CDC45: variants seen among roughly 807,000 people sequenced by gnomAD.
CDC45 encodes cell division control protein 45 homolog.
CDC45 carries 54 observed loss-of-function variants against 77.8 expected under a neutral mutation model. The ratio of observed to expected loss-of-function variants is 0.69; its 90% CI spans 0.56 to 0.87. CDC45 has a LOEUF of 0.87. Among genes scored for constraint, CDC45 ranks in the 40% least tolerant of loss-of-function variants. The pLI is 0.00. For missense variants in CDC45, 649 were observed against 721.6 expected (o/e 0.90, Z 1.15); for synonymous variants, 260 against 272.1 (o/e 0.96, Z 0.44).
intron 13 of CDC45, among the ~76,000 whole-genome samples, chr22:19,513,423 G>A (rs910618552): frequency 2.6e-5 from 4 of 152,136 alleles, no homozygotes; most frequent in African/African-American, 7.2e-5. Flanking sequence ...TATCTGGCAC[G>A]GCTCTTTGTT....
At chr22:19,487,292 C>CAAAAAAAA (rs754969437) in intron 5 of CDC45, among the ~76,000 whole-genome samples, 1 of 59,520 alleles carries the variant, frequency 1.7e-5, no homozygotes, top group Non-Finnish European at 3.5e-5. Flanking sequence ...ACTCTTGTCT[C>CAAAAAAAA]AAAAAAAAAA....
intron 2 of CDC45, 100 bp from the exon 3 acceptor site, chr22:19,480,853 G>A: frequency 1.4e-6 from 1 of 703,858 alleles, no homozygotes; most frequent in Non-Finnish European, 2.5e-6. Context: ...GTTATCCCGT[G>A]TCTTTTGTCT....
intron 5 of CDC45, among the ~76,000 whole-genome samples, chr22:19,489,721 A>G (rs2090126299): frequency 1.3e-5 from 2 of 152,214 alleles, no homozygotes; most frequent in Admixed American, 6.5e-5. Context: ...AAAATACAGT[A>G]TCATTTGCAG....
intron 5 of CDC45, 65 bp downstream of exon 5, chr22:19,484,070 T>C: frequency 1.3e-6 from 2 of 1,498,048 alleles, no homozygotes; most frequent in Non-Finnish European, 1.8e-6. Flanking sequence ...GAGGTCATCC[T>C]GAAGCCTGCC....
At chr22:19,484,088 G>A in intron 5 of CDC45, 83 bp downstream of exon 5, 2 of 1,285,600 alleles carry the variant, frequency 1.6e-6, no homozygotes, top group Non-Finnish European at 2.2e-6. Flanking sequence ...GCCAGGCCAA[G>A]GTGTACTGAG....
intron 5 of CDC45, among the ~76,000 whole-genome samples, chr22:19,489,415 G>A (rs1220967031): frequency 1.3e-5 from 2 of 151,502 alleles, no homozygotes; most frequent in Non-Finnish European, 2.9e-5. Context: ...CTTGTCTGCT[G>A]CCTGGTAACC....
chr22:19,496,058 A>T (rs1290941649), intron 7 of CDC45, 29 bp downstream of exon 7: 3 of 1,505,106 alleles, frequency 2.0e-6, no homozygotes, highest in Non-Finnish European at 1.8e-6. Context: ...AACTCACTAT[A>T]AAGTTCTGAC....
chr22:19,487,420 G>T (rs1174662679), intron 5 of CDC45, among the ~76,000 whole-genome samples: 1 of 151,712 alleles, frequency 6.6e-6, no homozygotes, highest in East Asian at 1.9e-4. Flanking sequence ...CGGCTACTTG[G>T]GAGGCTAGAG....
In CDC45 at chr22:19,480,106, G is replaced by C. The variant is rs2089950804; in HGVS notation, c.52-52G>C. On this transcript the variant is annotated intron_variant, in intron 1 of 18. Coordinates refer to ENST00000263201, the MANE Select transcript of CDC45 (RefSeq NM_003504.5). ...GACCGTGGGTGACCGGGAGGCAGGG[G>C]AGGGCCGGGGTTCGGGTCGCCGTGT... The C allele has an allele frequency of 2.5e-6, 4 of 1,612,198 alleles. No individual in the cohort carries two copies. In the East Asian group the frequency reaches 8.9e-5, roughly 36 times the overall value.
At chr22:19,492,655 TATG>T (rs756449379) in intron 5 of CDC45, among the ~76,000 whole-genome samples, 3 of 152,228 alleles carry the variant, frequency 2.0e-5, no homozygotes, top group Non-Finnish European at 4.4e-5. Context: ...TAGTTCTTGG[TATG>T]ATGAGTAATC....
At chr22:19,482,925 G>A in intron 4 of CDC45, 98 bp downstream of exon 4, 2 of 1,082,802 alleles carry the variant, frequency 1.8e-6, no homozygotes, top group Admixed American at 3.9e-5. Flanking sequence ...TGACTACCCT[G>A]TGGGACTGGG....
chr22:19,497,958 A>G (rs1170797873), intron 8 of CDC45, among the ~76,000 whole-genome samples: 1 of 152,204 alleles, frequency 6.6e-6, no homozygotes, highest in East Asian at 1.9e-4. Context: ...TTGGAAGGTC[A>G]GGAATTCGAG....
chr22:19,479,709 A>AG (rs1466220628), upstream of CDC45: 10 of 679,202 alleles, frequency 1.5e-5, no homozygotes, highest in South Asian at 3.1e-5. Flanking sequence ...TCAGAGTTGA[A>AG]GGGGGCAACA....
At chr22:19,489,467 A>G (rs2090122264) in intron 5 of CDC45, among the ~76,000 whole-genome samples, 1 of 152,098 alleles carries the variant, frequency 6.6e-6, no homozygotes, top group Non-Finnish European at 1.5e-5. Flanking sequence ...CAACAATATT[A>G]TGGAAATGGA....
At chr22:19,501,203 C>T (rs1932890917) in intron 9 of CDC45, among the ~76,000 whole-genome samples, 1 of 151,732 alleles carries the variant, frequency 6.6e-6, no homozygotes, top group Non-Finnish European at 1.5e-5. Context: ...CCAAAACAAA[C>T]AAAAAATTAT....
chr22:19,519,880 G>C (rs1934017717), intron 18 of CDC45, among the ~76,000 whole-genome samples: 1 of 152,136 alleles, frequency 6.6e-6, no homozygotes, highest in Non-Finnish European at 1.5e-5. Context: ...GACCCTCGGG[G>C]TTTTTGGCAA....
chr22:19,488,751 A>G (rs1019879247), intron 5 of CDC45, among the ~76,000 whole-genome samples: 1 of 152,190 alleles, frequency 6.6e-6, no homozygotes, highest in African/African-American at 2.4e-5. Flanking sequence ...GATAGAGAAC[A>G]ATTCCATTAC....
rs117217651 is a variant in CDC45, at chr22:19,490,709, A to G, written c.487-3618A>G. Among the ~76,000 whole-genome samples, 523 of 151,812 alleles carry G rather than the reference A, an allele frequency of 3.4e-3. 19 individuals are homozygous for G. The East Asian group carries it at 0.069, about 20-fold the overall frequency. On this transcript the variant is annotated intron_variant, in intron 5 of 18. Transcript: ENST00000263201. The stretch of plus-strand genomic sequence containing the variant: ...TCTTTCCTCTAGTGTTTGTGAGTCT[A>G]TCTCCTTGTATAGATTTTTTAGTGG...
At chr22:19,485,648 G>T (rs1421025875) in intron 5 of CDC45, among the ~76,000 whole-genome samples, 1 of 152,182 alleles carries the variant, frequency 6.6e-6, no homozygotes, top group Non-Finnish European at 1.5e-5. Context: ...ACATCAATTT[G>T]GAATTTGTGT....
Sources: allele counts gnomAD v4.1 joint callset (sites outside exome capture counted in the v4.1 genomes callset), GRCh38; gene constraint gnomAD v4.1.1; transcripts MANE v1.5; gene names NCBI Gene and HGNC (gene_info 2026-07-23, HGNC 2026-07-21).